ACP2: variants seen among roughly 807,000 people sequenced by gnomAD.
ACP2 encodes lysosomal acid phosphatase.
A neutral mutation model predicts 54.7 loss-of-function variants in ACP2; 35 were observed. The ratio of observed to expected loss-of-function variants is 0.64; its 90% CI spans 0.49 to 0.85. The LOEUF is 0.85. Among genes scored for constraint, ACP2 ranks in the 40% least tolerant of loss-of-function variants. The probability of loss-of-function intolerance (pLI) is 0.00; values close to 1 mark genes in which losing one functional copy is unlikely to be tolerated. For missense variants in ACP2, 492 were observed against 565.0 expected (o/e 0.87, Z 1.31); for synonymous variants, 210 against 224.4 (o/e 0.94, Z 0.57).
At chr11:47,241,943 G>A (rs1953893074) in intron 10 of ACP2, among the ~76,000 whole-genome samples, 1 of 152,168 alleles carries the variant, frequency 6.6e-6, no homozygotes, top group Admixed American at 6.5e-5. Flanking sequence ...AGGGCGTAAG[G>A]ACAGAAGTGG....
Position 47,245,370 on chromosome 11 carries a change from C to A in ACP2, c.574G>T (p.Glu192Ter), listed in dbSNP as rs540880065. 1 of 1,614,174 alleles carries A rather than the reference C, an allele frequency of 6.2e-7. No individual in the cohort carries two copies. Among genetic ancestry groups the A allele is most frequent in the African/African-American group, 1.3e-5 (1 of 75,046 alleles). ...NAQFLDMVAN[E>*]TGLTDLTLET... is the part of the protein sequence containing the mutation. ...AGTGTCAGGTCTGTAAGCCCTGTCT[C>A]GTTGGCCACCATGTCCAGAAATTGC... is the stretch of plus-strand genomic sequence containing the variant. Residue 192 changes from glutamate to a stop codon, truncating the protein, a stop_gained, in exon 6 of 11, where the codon GAG becomes TAG. Transcript: ENST00000672073. LOFTEE classifies it high-confidence loss of function.
Position 47,242,712 on chromosome 11 carries a change from T to G in ACP2, c.1138+11A>C. On this transcript the variant is annotated intron_variant, in intron 10 of 10. Transcript: ENST00000672073. ...AGGGCATGACTAGCAAGGAGGCCGGTGACAGCTCACCTGTGTCTGCAGGAC... is the reference window on the plus strand; with the variant it reads ...AGGGCATGACTAGCAAGGAGGCCGGGGACAGCTCACCTGTGTCTGCAGGAC... The G allele has an allele frequency of 6.2e-7, 1 of 1,605,716 alleles. No homozygotes were observed. The highest frequency in any genetic ancestry group is 1.3e-5 in the African/African-American group (1 of 74,878).
chr11:47,248,112 A>C lies in ACP2; in HGVS notation c.136T>G (p.Ser46Ala), dbSNP rs1215036600. Residue 46 changes from serine (S) to alanine (A), a missense_variant, in exon 2 of 11, where the codon TCA becomes GCA. Physicochemically the swap from Ser to Ala is moderately conservative, Grantham distance 99 (BLOSUM62 1). Transcript: ENST00000672073. ...TCCTTGGGATATGTCTTCACTGGTG[A>C]ACGGTCTCCATGGCGGTACAGCTGA... ...VTLLYRHGDR[S>A]PVKTYPKDPY... 1 of 1,610,886 alleles carries C rather than the reference A, an allele frequency of 6.2e-7. No individual in the cohort carries two copies. The highest frequency in any genetic ancestry group is 1.7e-5 in the Admixed American group (1 of 58,950).
chr11:47,245,444 G>A (rs201770743), intron 5 of ACP2, 30 bp downstream of exon 5: 20 of 1,614,084 alleles, frequency 1.2e-5, no homozygotes, highest in African/African-American at 2.7e-5. Context: ...AAAAGACAGC[G>A]TGGTGAGCTG....
intron 10 of ACP2, 90 bp downstream of exon 10, chr11:47,242,633 G>A: frequency 6.7e-7 from 1 of 1,486,918 alleles, no homozygotes; most frequent in Non-Finnish European, 9.2e-7. Context: ...GCAGTCAAAT[G>A]GCTGGAAGTG....
rs758496014 is a variant in ACP2, at chr11:47,244,821, A to C, written c.686T>G (p.Met229Arg). 6.2e-7 allele frequency: 1 copy of C among 1,612,776 alleles called. No homozygotes were observed. Among genetic ancestry groups the C allele is most frequent in the Non-Finnish European group, 8.5e-7 (1 of 1,178,980 alleles). ...GTCCTTTAGCCGGCTGAGACGCTGC[A>C]TGGTTTGGGGTGAGGCCCAGGGCGG... Reference protein sequence around the residue: ...RLPPWASPQTMQRLSRLKDFS... With the variant: ...RLPPWASPQTRQRLSRLKDFS... Residue 229 changes from methionine to arginine, a missense_variant, in exon 7 of 11, where the codon ATG becomes AGG. Met to Arg is a moderately conservative substitution (Grantham distance 91). Transcript: ENST00000672073.
In ACP2 at chr11:47,243,051, C is replaced by G. The variant is rs764066850; in HGVS notation, c.929G>C (p.Cys310Ser). 1 of 1,614,238 alleles carries G rather than the reference C, an allele frequency of 6.2e-7. No individual in the cohort carries two copies. Among genetic ancestry groups the G allele is most frequent in the Non-Finnish European group, 8.5e-7 (1 of 1,180,048 alleles). The change falls in exon 9 of 11, where the codon TGC becomes TCC. Residue 310 changes from cysteine (C) to serine (S), a missense_variant. By Grantham distance (112) the Cys-to-Ser change is moderately radical. Coordinates refer to ENST00000672073, the MANE Select transcript of ACP2 (RefSeq NM_001610.4). ...YNGEQAPYAS[C>S]HIFELYQEDS... is the part of the protein sequence containing the mutation. ...TTCCTGGTACAGTTCAAATATGTGG[C>G]AGGAGGCGTAGGGGGCTTGTTCACC...
In ACP2 at chr11:47,243,308, A is replaced by T; in HGVS notation, c.786T>A (p.Ala262=). The stretch of plus-strand genomic sequence containing the variant: ...TTAGGGTCAGGTTCTTCCTTATCTG[A>T]GCCAGCAGGACTCCTGAAGGAGAAA... ...KARLQGGVLL[A]QIRKNLTLMA... is the part of the protein sequence containing the mutation. Residue 262 remains alanine, a synonymous_variant, in exon 8 of 11, where the codon GCT becomes GCA. Transcript: ENST00000672073. 6.2e-7 allele frequency: 1 copy of T among 1,614,154 alleles called. No homozygotes were observed. Among genetic ancestry groups the T allele is most frequent in the Non-Finnish European group, 8.5e-7 (1 of 1,180,006 alleles).
At chr11:47,242,936 C>A (rs1013453641) in intron 9 of ACP2, 38 bp from the exon 10 acceptor site, 2 of 1,609,000 alleles carry the variant, frequency 1.2e-6, no homozygotes, top group Admixed American at 1.7e-5. Flanking sequence ...AGCTGCTCAG[C>A]CTGCCCATCA....
chr11:47,240,140 G>A lies in ACP2; in HGVS notation c.1248C>T (p.Val416=), dbSNP rs2228401. Residue 416 remains valine (V), a synonymous_variant, in exon 11 of 11, where the codon GTC becomes GTT. Coordinates refer to ENST00000672073, the MANE Select transcript of ACP2 (RefSeq NM_001610.4). ...GTCAGGCGTGGTCCTCCCCATCTGCGACGTGGCGGTAGCCAGGAGGCTGGG... is the reference window on the plus strand; with the variant it reads ...GTCAGGCGTGGTCCTCCCCATCTGCAACGTGGCGGTAGCCAGGAGGCTGGG... ...MQAQPPGYRH[V]ADGEDHA 2,271 of 1,613,984 alleles carry A rather than the reference G, an allele frequency of 1.4e-3. 30 individuals carry two copies. In the African/African-American group the frequency reaches 0.026, roughly 18 times the overall value.
Position 47,245,559 on chromosome 11 carries a change from G to A in ACP2, c.464C>T (p.Pro155Leu), listed in dbSNP as rs550354036. 11 of 1,614,222 alleles carry A rather than the reference G, an allele frequency of 6.8e-6. No individual in the cohort carries two copies. Among genetic ancestry groups the A allele is most frequent in the Middle Eastern group, 1.6e-4 (1 of 6,062 alleles). ...CTCATAACGGGGACATGGGCCCAAC[G>A]GGAACTTCAGCAGCTGTAGAGCGAA... ...PITEDRLLKF[P>L]LGPCPRYEQL... Residue 155 changes from proline (P) to leucine (L), a missense_variant, in exon 5 of 11, where the codon CCG (proline) becomes CTG (leucine). Transcript: ENST00000672073.
At chr11:47,247,871 G>A (rs1177149644) in intron 2 of ACP2, 144 bp from the exon 3 acceptor site, 1 of 917,662 alleles carries the variant, frequency 1.1e-6, no homozygotes, top group Non-Finnish European at 1.7e-6. Context: ...TAAGTGGCCA[G>A]TCATGCACAG....
In ACP2 at chr11:47,239,336, C is replaced by T. The variant is rs1398281336; in HGVS notation, c.*780G>A. On this transcript the variant is annotated 3_prime_UTR_variant, in exon 11 of 11. Coordinates refer to ENST00000672073, the MANE Select transcript of ACP2 (RefSeq NM_001610.4). Reference sequence around the variant, plus strand: ...AATAGGAAACAGCACTATTCATTCTCTGGGAGCTGCCCCAGCCCTATTCTG... The same window carrying T: ...AATAGGAAACAGCACTATTCATTCTTTGGGAGCTGCCCCAGCCCTATTCTG... The T allele has an allele frequency of 4.8e-6, 1 of 207,648 alleles. No homozygotes were observed. The highest frequency in any genetic ancestry group is 1.1e-4 in the South Asian group (1 of 8,778). The allele number at this position is 207,648 out of a possible 1,614,324, so 12.9% of individuals were successfully genotyped here. A position where few individuals can be genotyped will look rare whatever the true frequency, so the allele number is the denominator to read the frequency against.
intron 10 of ACP2, 145 bp from the exon 11 acceptor site, chr11:47,240,394 T>C: frequency 1.7e-6 from 1 of 585,280 alleles, no homozygotes; most frequent in Non-Finnish European, 3.1e-6. Context: ...GGGGATGTAA[T>C]AAATAAGCAA....
intron 1 of ACP2, 59 bp from the exon 2 acceptor site, chr11:47,248,192 A>G (rs1954283093): frequency 6.8e-7 from 1 of 1,474,714 alleles, no homozygotes; most frequent in African/African-American, 1.4e-5. Context: ...AGGGACCCAG[A>G]GCCTACCTTT....
Position 47,242,775 on chromosome 11 carries a change from C to T in ACP2, c.1086G>A (p.Val362=). The part of the protein sequence containing the change: ...QDFLRLTEPV[V]PKDWQQECQL... ...GGCACTCCTGCTGCCAATCCTTGGGCACGACGGGCTCTGTGAGGCGAAGGA... is the reference window on the plus strand; with the variant it reads ...GGCACTCCTGCTGCCAATCCTTGGGTACGACGGGCTCTGTGAGGCGAAGGA... The change falls in exon 10 of 11, where the codon GTG becomes GTA. Residue 362 remains valine (V), a synonymous_variant. Transcript: ENST00000672073. 1 of 1,614,162 alleles carries T rather than the reference C, an allele frequency of 6.2e-7. No individual in the cohort carries two copies. The highest frequency in any genetic ancestry group is 8.5e-7 in the Non-Finnish European group (1 of 1,180,000).
chr11:47,245,930 G>A (rs1954062838), intron 3 of ACP2, 96 bp from the exon 4 acceptor site: 5 of 1,440,094 alleles, frequency 3.5e-6, no homozygotes, highest in East Asian at 2.5e-5. Context: ...GTATGTATGT[G>A]TGTGTGTGTG....
Position 47,243,303 on chromosome 11 carries a change from ATC to A in ACP2, c.789_790del (p.Gln263HisfsTer40). The A allele has an allele frequency of 6.2e-7, 1 of 1,614,164 alleles. No individual in the cohort carries two copies. ...CGCCATTAGGGTCAGGTTCTTCCTT[ATC>A]TGAGCCAGCAGGACTCCTGAAGGAG... On this transcript the variant is annotated frameshift_variant, in exon 8 of 11. Transcript: ENST00000672073. LOFTEE classifies it high-confidence loss of function.
In ACP2 at chr11:47,247,721, T is replaced by A. The variant is rs1565167265; in HGVS notation, c.217A>T (p.Met73Leu). ...TGGCCCAGTTCCCAGTGCTGTAGCA[T>A]CCCCTCCTGTGGGCAAACCCAAGGG... ...QGFGQLTKEGMLQHWELGQAL... is the reference protein window; with the variant it reads ...QGFGQLTKEGLLQHWELGQAL... Residue 73 changes from methionine to leucine, a missense_variant, in exon 3 of 11, where the codon ATG (methionine) becomes TTG (leucine). Transcript: ENST00000672073. The A allele has an allele frequency of 6.2e-7, 1 of 1,613,416 alleles. No homozygotes were observed. The highest frequency in any genetic ancestry group is 8.5e-7 in the Non-Finnish European group (1 of 1,179,932).
Sources: gnomAD v4.1 joint callset for allele counts (sites outside exome capture counted in the v4.1 genomes callset) on GRCh38, gnomAD v4.1.1 for gene constraint, MANE v1.5 for transcripts, NCBI Gene and HGNC (gene_info 2026-07-23, HGNC 2026-07-21) for gene names.